Variants in STK39 observed in about 807,000 individuals in gnomAD.
The protein encoded by STK39 is STE20/SPS1-related proline-alanine-rich protein kinase.
Under a neutral mutation model 77.8 loss-of-function variants are expected in STK39, and 20 were observed. The ratio of observed to expected loss-of-function variants is 0.26; its 90% confidence interval spans 0.18 to 0.37. The LOEUF (loss-of-function observed/expected upper bound fraction) is 0.37. Ranked by LOEUF, STK39 falls within the 10% of genes least tolerant of loss-of-function variation. The probability of loss-of-function intolerance (pLI) is 1.00; values close to 1 mark genes in which losing one functional copy is unlikely to be tolerated. For synonymous variants in STK39, 246 were observed against 234.1 expected (o/e 1.05, Z -0.47); for missense variants, 479 against 656.5 (o/e 0.73, Z 2.95).
At chr2:168,012,834 C>A in intron 15 of STK39, 132 bp from the exon 16 acceptor site, 1 of 589,034 alleles carries the variant, frequency 1.7e-6, no homozygotes, top group Non-Finnish European at 2.7e-6. Flanking sequence ...CAGACTCTAT[C>A]AGGAGAAAAT....
At chr2:168,102,131 C>CTT (rs35955276) in intron 10 of STK39, among the ~76,000 whole-genome samples, 1,934 of 147,706 alleles carry the variant, frequency 0.013, 69 homozygotes, top group Admixed American at 0.067. Context: ...TTCATGTACA[C>CTT]TTTTTTTTTT....
At chr2:168,180,406 A>T (rs1689056132) in intron 2 of STK39, among the ~76,000 whole-genome samples, 1 of 152,084 alleles carries the variant, frequency 6.6e-6, no homozygotes, top group South Asian at 2.1e-4. Context: ...TGATACATCC[A>T]AACAGTACAT....
intron 5 of STK39, among the ~76,000 whole-genome samples, chr2:168,146,230 G>A (rs1688136532): frequency 6.6e-6 from 1 of 152,188 alleles, no homozygotes; most frequent in African/African-American, 2.4e-5. Context: ...AACTGTTTAG[G>A]GGCTTGCTTG....
At chr2:168,012,148 G>A (rs901522273) in intron 16 of STK39, among the ~76,000 whole-genome samples, 9 of 151,710 alleles carry the variant, frequency 5.9e-5, no homozygotes, top group African/African-American at 2.2e-4. Flanking sequence ...TATGAGACAG[G>A]ATTACATTAA....
intron 1 of STK39, among the ~76,000 whole-genome samples, chr2:168,236,471 C>T (rs927175602): frequency 1.3e-5 from 2 of 152,186 alleles, no homozygotes; most frequent in African/African-American, 2.4e-5. Context: ...TCCCATTTGT[C>T]AATTTTGGCT....
At chr2:168,014,871 A>G (rs575478135) in intron 15 of STK39, among the ~76,000 whole-genome samples, 1 of 152,336 alleles carries the variant, frequency 6.6e-6, no homozygotes, top group Non-Finnish European at 1.5e-5. Flanking sequence ...AGCTGCACTG[A>G]GGGATAGCAC....
intron 14 of STK39, among the ~76,000 whole-genome samples, chr2:168,018,186 T>G (rs1385301644): frequency 6.6e-6 from 1 of 151,940 alleles, no homozygotes; most frequent in Non-Finnish European, 1.5e-5. Flanking sequence ...AGAATTAAGG[T>G]TAATAAAAAC....
chr2:168,013,494 T>C (rs1404820231), intron 15 of STK39, among the ~76,000 whole-genome samples: 3 of 152,210 alleles, frequency 2.0e-5, no homozygotes, highest in Non-Finnish European at 2.9e-5. Context: ...CCCACGTTTT[T>C]ACAAGGGAGC....
chr2:168,227,573 A>G (rs1468251133), intron 1 of STK39, among the ~76,000 whole-genome samples: 1 of 152,244 alleles, frequency 6.6e-6, no homozygotes. Context: ...TATGAAATCC[A>G]AAAGTCACTA....
chr2:168,038,625 C>A (rs1246423175), intron 14 of STK39, among the ~76,000 whole-genome samples: 1 of 151,858 alleles, frequency 6.6e-6, no homozygotes, highest in Non-Finnish European at 1.5e-5. Context: ...CATTAAGAAA[C>A]CAAAATGCAA....
chr2:168,246,274 G>A (rs1392828265), intron 1 of STK39, among the ~76,000 whole-genome samples: 2 of 152,190 alleles, frequency 1.3e-5, no homozygotes, highest in Non-Finnish European at 2.9e-5. Flanking sequence ...TGATCCAATA[G>A]GGAAGGTTCT....
chr2:168,109,471 TCTC>T (rs1314725817), intron 10 of STK39, among the ~76,000 whole-genome samples: 2 of 152,196 alleles, frequency 1.3e-5, no homozygotes, highest in East Asian at 3.8e-4. Context: ...ATTTACTCAT[TCTC>T]CTCTGGGCTA....
chr2:168,222,629 G>A (rs1298184169), intron 1 of STK39, among the ~76,000 whole-genome samples: 1 of 152,152 alleles, frequency 6.6e-6, no homozygotes, highest in African/African-American at 2.4e-5. Flanking sequence ...AAACCAGTTA[G>A]AGGATAAATA....
At chr2:168,060,848 A>C (rs1297909318) in intron 14 of STK39, among the ~76,000 whole-genome samples, 4 of 151,354 alleles carry the variant, frequency 2.6e-5, no homozygotes, top group African/African-American at 9.8e-5. Flanking sequence ...ACTGAAAGTC[A>C]CTCCGACAGT....
chr2:168,130,777 T>C (rs1420230070), intron 8 of STK39, among the ~76,000 whole-genome samples: 21 of 152,232 alleles, frequency 1.4e-4, no homozygotes, highest in Non-Finnish European at 1.5e-5. Flanking sequence ...AAGAATAGCT[T>C]CCTTCATCAA....
At chr2:167,979,570 T>A (rs2105264856) in intron 16 of STK39, among the ~76,000 whole-genome samples, 1 of 152,344 alleles carries the variant, frequency 6.6e-6, no homozygotes, top group Admixed American at 6.5e-5. Context: ...GAAGTTTTTA[T>A]TAGGAAAACA....
chr2:167,999,652 T>C lies in STK39; in HGVS notation c.1498+12982A>G, dbSNP rs577004045. On this transcript the variant is annotated intron_variant, in intron 16 of 17. Transcript: ENST00000355999. ...AATTTTTTTGTATTTTTAGCAGAGA[T>C]GGGGTTTCACCATGTTAGCCAGGAT... is the stretch of plus-strand genomic sequence containing the variant. Among the ~76,000 whole-genome samples the C allele has an allele frequency of 8.5e-5, 13 of 152,096 alleles. No homozygotes were observed. The South Asian group carries it at 2.3e-3, about 27-fold the overall frequency.
At chr2:168,032,869 T>C (rs192123263) in intron 14 of STK39, among the ~76,000 whole-genome samples, 149 of 152,364 alleles carry the variant, frequency 9.8e-4, no homozygotes, top group African/African-American at 3.5e-3. Flanking sequence ...AAAATAACCA[T>C]TGATTCTCTG....
At chr2:168,081,971 T>C (rs1187213893) in intron 10 of STK39, among the ~76,000 whole-genome samples, 2 of 152,162 alleles carry the variant, frequency 1.3e-5, no homozygotes, top group Non-Finnish European at 2.9e-5. Flanking sequence ...AACCTCTATT[T>C]CTTTTGTAAA....
Sources: gnomAD v4.1 joint callset for allele counts (sites outside exome capture counted in the v4.1 genomes callset) on GRCh38, gnomAD v4.1.1 for gene constraint, MANE v1.5 for transcripts, NCBI Gene and HGNC (gene_info 2026-07-23, HGNC 2026-07-21) for gene names.